Variants in SLC35F4 observed in about 807,000 individuals in gnomAD.
The protein encoded by SLC35F4 is chromosome 14 open reading frame 36.
In SLC35F4, 24 loss-of-function variants were observed where a neutral mutation model predicts 44.2. The ratio of observed to expected loss-of-function variants is 0.54; its 90% CI spans 0.39 to 0.76. The LOEUF (loss-of-function observed/expected upper bound fraction) is 0.76, where lower values mean the gene tolerates loss of function less well. SLC35F4 is among the 30% of genes least tolerant of loss of function. SLC35F4 has a pLI of 0.00. For synonymous variants in SLC35F4, 238 were observed against 223.6 expected (o/e 1.06, Z -0.57); for missense variants, 562 against 586.1 (o/e 0.96, Z 0.42).
At chr14:57,954,047 T>G (rs1003181610) in intron 1 of SLC35F4, among the ~76,000 whole-genome samples, 2 of 152,112 alleles carry the variant, frequency 1.3e-5, no homozygotes, top group East Asian at 3.9e-4. Context: ...CCTCAGCAAA[T>G]GCAAAGGAAC....
At chr14:57,711,776 A>T (rs945735299) in intron 1 of SLC35F4, among the ~76,000 whole-genome samples, 2 of 152,214 alleles carry the variant, frequency 1.3e-5, no homozygotes, top group Admixed American at 6.5e-5. Flanking sequence ...AAGCGCAGAA[A>T]ATTAAGCTGC....
chr14:57,774,701 C>T (rs927393444), intron 1 of SLC35F4, among the ~76,000 whole-genome samples: 1 of 152,206 alleles, frequency 6.6e-6, no homozygotes, highest in Non-Finnish European at 1.5e-5. Context: ...TGGTGGACTG[C>T]ACCTGACCGG....
At chr14:57,706,756 C>T (rs1451971059) in intron 1 of SLC35F4, among the ~76,000 whole-genome samples, 4 of 151,938 alleles carry the variant, frequency 2.6e-5, no homozygotes, top group Admixed American at 2.0e-4. Flanking sequence ...GTTCAAGGAG[C>T]TGAAATAGGC....
At chr14:57,815,913 AG>A (rs1343239652) in intron 1 of SLC35F4, among the ~76,000 whole-genome samples, 1 of 152,212 alleles carries the variant, frequency 6.6e-6, no homozygotes, top group African/African-American at 2.4e-5. Context: ...ATAAAGAAAA[AG>A]TCTGTTGGAA....
intron 1 of SLC35F4, among the ~76,000 whole-genome samples, chr14:57,685,500 CCAAGAG>C (rs1347873936): frequency 1.3e-5 from 2 of 152,096 alleles, no homozygotes; most frequent in Admixed American, 1.3e-4. Flanking sequence ...GTGATATTCC[CCAAGAG>C]GCACAATTAT....
rs146637562 is a variant in SLC35F4, at chr14:57,790,960, T to C, written c.103+74763A>G. Among the ~76,000 whole-genome samples the C allele has an allele frequency of 1.8e-3, 275 of 152,322 alleles. 1 individual carries two copies. The highest frequency in any genetic ancestry group is 6.2e-3 in the African/African-American group (257 of 41,574). On this transcript the variant is annotated intron_variant, in intron 1 of 7. Transcript: ENST00000556826. The stretch of plus-strand genomic sequence containing the variant: ...GGAAAACTGAAACTGGACCCATTCC[T>C]TACACTTTATACAAAAATTAACTCA...
intron 1 of SLC35F4, among the ~76,000 whole-genome samples, chr14:57,842,152 C>T (rs1885550326): frequency 1.3e-5 from 2 of 152,070 alleles, no homozygotes; most frequent in African/African-American, 2.4e-5. Context: ...AAATAGTAAA[C>T]AAATAACATG....
chr14:57,839,189 A>G (rs1010412978), intron 1 of SLC35F4, among the ~76,000 whole-genome samples: 2 of 152,162 alleles, frequency 1.3e-5, no homozygotes, highest in African/African-American at 4.8e-5. Context: ...TCCAAAGCCC[A>G]GGTTCATTAT....
At position 57,655,573 on chromosome 14, in the gene SLC35F4, A is replaced by C. The variant is rs79425592; in HGVS notation, c.104-61449T>G. ...TGTCACTCTAGGGGATGCCATTCAC[A>C]AATGGTGCTCTATAAAGCTTGTGCC... On this transcript the variant is annotated intron_variant, in intron 1 of 7. Transcript: ENST00000556826. 3.6e-3 allele frequency among the ~76,000 whole-genome samples: 555 copies of C among 152,212 alleles called. 1 individual carries two copies. The highest frequency in any genetic ancestry group is 0.012 in the African/African-American group (517 of 41,530).
intron 1 of SLC35F4, among the ~76,000 whole-genome samples, chr14:57,936,451 C>T (rs1353473929): frequency 6.6e-6 from 1 of 152,212 alleles, no homozygotes; most frequent in East Asian, 1.9e-4. Flanking sequence ...GCCACTGGTT[C>T]AGATCTTCTT....
At chr14:57,881,690 A>C (rs1888537231) in intron 1 of SLC35F4, among the ~76,000 whole-genome samples, 1 of 152,196 alleles carries the variant, frequency 6.6e-6, no homozygotes, top group African/African-American at 2.4e-5. Flanking sequence ...AATTTCACTT[A>C]CACTGCAACA....
chr14:57,956,587 T>A (rs1890242559), intron 1 of SLC35F4, among the ~76,000 whole-genome samples: 1 of 151,838 alleles, frequency 6.6e-6, no homozygotes, highest in Non-Finnish European at 1.5e-5. Context: ...CTTAAACAAA[T>A]TTACAAGAAA....
intron 1 of SLC35F4, among the ~76,000 whole-genome samples, chr14:57,921,701 T>C (rs895384837): frequency 5.9e-5 from 9 of 152,224 alleles, no homozygotes; most frequent in African/African-American, 2.2e-4. Context: ...CTTCCCTTCA[T>C]GTGGGTCTGT....
intron 3 of SLC35F4, among the ~76,000 whole-genome samples, chr14:57,586,967 C>T (rs79747435): frequency 3.7e-5 from 1 of 27,160 alleles, no homozygotes; most frequent in East Asian, 5.2e-3. Context: ...GAAAAAAAAA[C>T]CAACAAACAC....
intron 1 of SLC35F4, among the ~76,000 whole-genome samples, chr14:57,622,334 C>G (rs1049266649): frequency 7.0e-6 from 1 of 143,630 alleles, no homozygotes; most frequent in East Asian, 2.0e-4. Context: ...ACCCAAAGGA[C>G]TATAAATCAT....
rs183751658 is a variant in SLC35F4 at position 57,882,925 on chromosome 14, A to C, written n.282+98988T>G. On this transcript the variant is annotated intron_variant and non_coding_transcript_variant, in intron 1 of 1. Transcript: ENST00000556568. ...CTTGGCCCTGTGACTTGATTTTGCC[A>C]GTGGTATGATAAAAGCAGGAGCTTG... 1.7e-3 allele frequency among the ~76,000 whole-genome samples: 256 copies of C among 152,068 alleles called. 1 individual carries two copies. Among genetic ancestry groups the C allele is most frequent in the African/African-American group, 5.9e-3 (243 of 41,532 alleles).
Position 57,650,539 on chromosome 14 carries a change from A to C in SLC35F4, c.104-56415T>G, listed in dbSNP as rs1025217629. On this transcript the variant is annotated intron_variant, in intron 1 of 7. Transcript: ENST00000556826. ...CATCTCTATGTCTGTCACCTAATTC[A>C]TACCTCTGTCATGTCCAGCCCAGAC... Among the ~76,000 whole-genome samples the C allele has an allele frequency of 1.1e-4, 16 of 152,188 alleles. 1 individual carries two copies. The highest frequency in any genetic ancestry group is 1.0e-3 in the Admixed American group (16 of 15,276).
intron 1 of SLC35F4, among the ~76,000 whole-genome samples, chr14:57,899,873 G>T (rs1162152247): frequency 6.6e-6 from 1 of 152,150 alleles, no homozygotes; most frequent in African/African-American, 2.4e-5. Flanking sequence ...GACCCAAAGT[G>T]TGAGTGGTAG....
intron 1 of SLC35F4, among the ~76,000 whole-genome samples, chr14:57,707,310 TATC>T (rs1422899180): frequency 1.3e-5 from 2 of 152,168 alleles, no homozygotes; most frequent in Non-Finnish European, 2.9e-5. Context: ...AATCCCCACA[TATC>T]ATGGGAGGGA....
Sources: allele counts gnomAD v4.1 joint callset (sites outside exome capture counted in the v4.1 genomes callset), GRCh38; gene constraint gnomAD v4.1.1; transcripts MANE v1.5; gene names NCBI Gene and HGNC (gene_info 2026-07-23, HGNC 2026-07-21).